Variants in VTI1A observed in about 807,000 individuals in gnomAD.
VTI1A encodes vesicle transport through interaction with t-SNAREs homolog 1A.
VTI1A carries 22 observed loss-of-function variants against 34.9 expected under a neutral mutation model. That is an observed-to-expected ratio of 0.63 (90% confidence interval 0.45 to 0.90). VTI1A has a LOEUF of 0.90. Ranked by LOEUF, VTI1A falls within the 40% of genes least tolerant of loss-of-function variation. VTI1A has a pLI of 0.00. For missense variants in VTI1A, 268 were observed against 275.6 expected, an observed-to-expected ratio of 0.97 and a Z score of 0.20; for synonymous variants, 87 against 97.3, an observed-to-expected ratio of 0.89 and a Z score of 0.62.
intron 5 of VTI1A, among the ~76,000 whole-genome samples, chr10:112,540,696 G>A (rs1051184334): frequency 5.3e-5 from 8 of 152,196 alleles, no homozygotes; most frequent in African/African-American, 1.9e-4. Flanking sequence ...TTCCCTACTG[G>A]TCCTCAGCCT....
chr10:112,544,549 CAG>C (rs1280480157), intron 5 of VTI1A, among the ~76,000 whole-genome samples: 2 of 151,610 alleles, frequency 1.3e-5, no homozygotes, highest in Non-Finnish European at 2.9e-5. Flanking sequence ...TTTTGGATAG[CAG>C]TAAACGACGC....
At chr10:112,649,743 A>G (rs1846937581) in intron 5 of VTI1A, among the ~76,000 whole-genome samples, 1 of 152,224 alleles carries the variant, frequency 6.6e-6, no homozygotes, top group African/African-American at 2.4e-5. Context: ...ACCTAATGTA[A>G]TGGTCTAGCT....
chr10:112,455,157 T>TCCCCCCCCCCCCCCCCCCCCCCCC (rs1378928944), intron 1 of VTI1A, among the ~76,000 whole-genome samples: 1 of 29,364 alleles, frequency 3.4e-5, no homozygotes, highest in Non-Finnish European at 6.5e-5. Context: ...TCCCTCCCCT[T>TCCCCCCCCCCCCCCCCCCCCCCCC]CCCTCCTCCC....
intron 5 of VTI1A, among the ~76,000 whole-genome samples, chr10:112,547,441 G>T (rs561077429): frequency 1.3e-4 from 19 of 151,918 alleles, no homozygotes; most frequent in African/African-American, 4.1e-4. Context: ...GTTGGGCGTG[G>T]TGGTTACATG....
intron 7 of VTI1A, among the ~76,000 whole-genome samples, chr10:112,676,400 C>T (rs1848028373): frequency 6.6e-6 from 1 of 152,008 alleles, no homozygotes; most frequent in Admixed American, 6.6e-5. Flanking sequence ...AGGGGGGGCT[C>T]CTAGTTGGTC....
intron 5 of VTI1A, among the ~76,000 whole-genome samples, chr10:112,573,550 A>G (rs1852218860): frequency 6.6e-6 from 1 of 152,202 alleles, no homozygotes; most frequent in Admixed American, 6.5e-5. Context: ...TATCCTACTT[A>G]CCTGGGAGGC....
intron 5 of VTI1A, among the ~76,000 whole-genome samples, chr10:112,653,267 C>T (rs1374255966): frequency 6.6e-6 from 1 of 152,178 alleles, no homozygotes; most frequent in African/African-American, 2.4e-5. Flanking sequence ...TGCCTCCAGA[C>T]CCTATTCTCC....
chr10:112,647,808 T>G (rs1377776651), intron 5 of VTI1A, among the ~76,000 whole-genome samples: 1 of 152,214 alleles, frequency 6.6e-6, no homozygotes, highest in African/African-American at 2.4e-5. Context: ...TCACTCCTGT[T>G]GTCCAGGCTG....
intron 7 of VTI1A, among the ~76,000 whole-genome samples, chr10:112,751,846 A>G (rs1265856742): frequency 6.6e-6 from 1 of 152,216 alleles, no homozygotes; most frequent in Non-Finnish European, 1.5e-5. Flanking sequence ...TTACACAATC[A>G]CATTGAGGTA....
At chr10:112,830,849 A>ATATATATATTTTTTTTTT in the VTI1A span, among the ~76,000 whole-genome samples, 18 of 33,492 alleles carry the variant, frequency 5.4e-4, no homozygotes, top group African/African-American at 1.7e-3. Context: ...ATATATATAT[A>ATATATATATTTTTTTTTT]TTTTTTTTTT....
At chr10:112,514,083 G>A (rs1291454891) in intron 3 of VTI1A, among the ~76,000 whole-genome samples, 1 of 151,952 alleles carries the variant, frequency 6.6e-6, no homozygotes. Flanking sequence ...GAGAAGAATT[G>A]GCATCAGTTC....
At chr10:112,707,809 A>G (rs1840841964) in intron 7 of VTI1A, among the ~76,000 whole-genome samples, 1 of 152,248 alleles carries the variant, frequency 6.6e-6, no homozygotes, top group South Asian at 2.1e-4. Flanking sequence ...GTATTTTAAC[A>G]TAAAGAGTAT....
intron 5 of VTI1A, among the ~76,000 whole-genome samples, chr10:112,595,732 A>G (rs534796662): frequency 8.7e-4 from 132 of 151,080 alleles, no homozygotes; most frequent in African/African-American, 3.0e-3. Flanking sequence ...AACTAGTTCA[A>G]CCATTGTGGA....
intron 7 of VTI1A, among the ~76,000 whole-genome samples, chr10:112,760,889 C>CAAAAA (rs10592117): frequency 1.2e-4 from 11 of 94,256 alleles, no homozygotes; most frequent in African/African-American, 3.6e-4. Flanking sequence ...ACTCCATCTC[C>CAAAAA]AAAAAAAAAA....
At chr10:112,532,533 C>G (rs1386925063) in intron 4 of VTI1A, among the ~76,000 whole-genome samples, 1 of 152,152 alleles carries the variant, frequency 6.6e-6, no homozygotes, top group Non-Finnish European at 1.5e-5. Context: ...CAAACACACA[C>G]ACACCCACAC....
chr10:112,659,710 GAC>G (rs141053671), intron 5 of VTI1A, among the ~76,000 whole-genome samples: 9 of 151,700 alleles, frequency 5.9e-5, no homozygotes, highest in African/African-American at 1.4e-4. Flanking sequence ...CACGCACGCA[GAC>G]ACACACACAC....
intron 5 of VTI1A, among the ~76,000 whole-genome samples, chr10:112,572,154 A>G (rs1048857663): frequency 1.3e-5 from 2 of 152,308 alleles, no homozygotes; most frequent in Admixed American, 6.5e-5. Context: ...AAAAAGAAAG[A>G]TAGTGGTTGA....
intron 3 of VTI1A, among the ~76,000 whole-genome samples, chr10:112,525,297 A>G (rs1850183209): frequency 6.6e-6 from 1 of 152,192 alleles, no homozygotes; most frequent in Non-Finnish European, 1.5e-5. Flanking sequence ...GTCAAGGTAT[A>G]AGATATGCAT....
intron 7 of VTI1A, among the ~76,000 whole-genome samples, chr10:112,678,494 AG>A (rs547092475): frequency 6.6e-6 from 1 of 152,188 alleles, no homozygotes; most frequent in Non-Finnish European, 1.5e-5. Flanking sequence ...AAATTAAGGG[AG>A]GGCTTTGGCC....
Sources: allele counts gnomAD v4.1 joint callset (sites outside exome capture counted in the v4.1 genomes callset), GRCh38; gene constraint gnomAD v4.1.1; transcripts MANE v1.5; gene names NCBI Gene and HGNC (gene_info 2026-07-23, HGNC 2026-07-21).